DPT: variants seen among roughly 807,000 people sequenced by gnomAD.
DPT encodes the protein dermatopontin, also known as tyrosine-rich acidic matrix protein.
In DPT, 21 loss-of-function variants were observed where a neutral mutation model predicts 31.2. The ratio of observed to expected loss-of-function variants is 0.67; its 90% CI spans 0.48 to 0.97. The LOEUF (loss-of-function observed/expected upper bound fraction) is 0.97. Among genes scored for constraint, DPT ranks in the 50% least tolerant of loss-of-function variants. The pLI is 0.00. For synonymous variants in DPT, 91 were observed against 86.9 expected, an observed-to-expected ratio of 1.05 and a Z score of -0.26; for missense variants, 262 against 258.8, an observed-to-expected ratio of 1.01 and a Z score of -0.08.
At chr1:168,696,819 C>T (rs1312320458) in intron 3 of DPT, among the ~76,000 whole-genome samples, 1 of 152,174 alleles carries the variant, frequency 6.6e-6, no homozygotes, top group African/African-American at 2.4e-5. Context: ...TTGAAGGTGA[C>T]TAATTAGGTC....
intron 1 of DPT, among the ~76,000 whole-genome samples, chr1:168,720,071 G>T (rs994451070): frequency 2.0e-5 from 3 of 152,186 alleles, no homozygotes; most frequent in Non-Finnish European, 4.4e-5. Flanking sequence ...GGGTGCAGGG[G>T]AAAGAGCCCT....
At chr1:168,707,191 G>C (rs1649738919) in intron 2 of DPT, among the ~76,000 whole-genome samples, 1 of 152,124 alleles carries the variant, frequency 6.6e-6, no homozygotes, top group Admixed American at 6.5e-5. Flanking sequence ...TAATTTTTGT[G>C]TGTGAGGATT....
chr1:168,722,273 A>G (rs919665647), intron 1 of DPT, among the ~76,000 whole-genome samples: 1 of 152,212 alleles, frequency 6.6e-6, no homozygotes, highest in African/African-American at 2.4e-5. Flanking sequence ...AATATTCAAG[A>G]CACTTATAAT....
intron 2 of DPT, among the ~76,000 whole-genome samples, chr1:168,708,949 T>C (rs1646209791): frequency 6.6e-6 from 1 of 152,192 alleles, no homozygotes; most frequent in Non-Finnish European, 1.5e-5. Context: ...TCAACTGATG[T>C]TAACTAGAGC....
At chr1:168,713,439 TAG>T (rs1649909434) in intron 2 of DPT, among the ~76,000 whole-genome samples, 1 of 152,198 alleles carries the variant, frequency 6.6e-6, no homozygotes, top group African/African-American at 2.4e-5. Context: ...CATCAAACTG[TAG>T]AGAGATCAAT....
chr1:168,711,268 C>A (rs1324270920), intron 2 of DPT, among the ~76,000 whole-genome samples: 1 of 151,866 alleles, frequency 6.6e-6, no homozygotes, highest in South Asian at 2.1e-4. Flanking sequence ...GATCTGCCCA[C>A]TTCGGCCTCC....
intron 2 of DPT, among the ~76,000 whole-genome samples, chr1:168,707,815 T>C (rs932391925): frequency 1.3e-5 from 2 of 152,208 alleles, no homozygotes; most frequent in African/African-American, 4.8e-5. Context: ...TTGCTTCTCC[T>C]TCTGCCATGG....
At chr1:168,721,286 A>C (rs1037747043) in intron 1 of DPT, among the ~76,000 whole-genome samples, 2 of 152,200 alleles carry the variant, frequency 1.3e-5, no homozygotes, top group African/African-American at 4.8e-5. Flanking sequence ...CCTTCTGCTG[A>C]TATTTATACC....
chr1:168,716,100 GA>G (rs1236540647), intron 1 of DPT, among the ~76,000 whole-genome samples: 1 of 152,184 alleles, frequency 6.6e-6, no homozygotes, highest in Non-Finnish European at 1.5e-5. Flanking sequence ...TGAACTTGCA[GA>G]TCTAACAAAA....
intron 1 of DPT, among the ~76,000 whole-genome samples, chr1:168,726,140 A>G (rs1041747572): frequency 6.6e-6 from 1 of 152,144 alleles, no homozygotes; most frequent in Non-Finnish European, 1.5e-5. Flanking sequence ...GTAGACGGGG[A>G]GAAGGAGGCA....
chr1:168,700,829 C>T (rs1649576410), intron 3 of DPT, among the ~76,000 whole-genome samples, 188 bp downstream of exon 3: 1 of 152,018 alleles, frequency 6.6e-6, no homozygotes, highest in African/African-American at 2.4e-5. Flanking sequence ...ATAAGTAAAA[C>T]CTCAGGTCAA....
At position 168,700,273 on chromosome 1, in the gene DPT, G is replaced by A. The variant is rs142531657; in HGVS notation, c.539+744C>T. Among the ~76,000 whole-genome samples the A allele has an allele frequency of 9.7e-4, 148 of 152,318 alleles. 1 individual carries two copies. Among genetic ancestry groups the A allele is most frequent in the Non-Finnish European group, 1.2e-3 (85 of 68,034 alleles). Reference sequence around the variant, plus strand: ...CCTTTCCACCATGCGTGAGGACACAGTAATAAAGCAACATCTCTGAAGCAG... The same window carrying A: ...CCTTTCCACCATGCGTGAGGACACAATAATAAAGCAACATCTCTGAAGCAG... On this transcript the variant is annotated intron_variant, in intron 3 of 3. Transcript: ENST00000367817.
At chr1:168,706,083 C>T (rs1649711964) in intron 2 of DPT, among the ~76,000 whole-genome samples, 1 of 152,124 alleles carries the variant, frequency 6.6e-6, no homozygotes, top group African/African-American at 2.4e-5. Context: ...TGAAAATGGA[C>T]TAATACATCA....
intron 1 of DPT, among the ~76,000 whole-genome samples, chr1:168,722,463 T>C (rs1333555883): frequency 6.6e-6 from 1 of 152,230 alleles, no homozygotes; most frequent in Non-Finnish European, 1.5e-5. Flanking sequence ...AAAGTAATAA[T>C]AAATAACCTT....
intron 2 of DPT, among the ~76,000 whole-genome samples, chr1:168,704,092 G>T (rs1206841828): frequency 6.6e-6 from 1 of 152,240 alleles, no homozygotes; most frequent in Non-Finnish European, 1.5e-5. Flanking sequence ...AATGATCAGG[G>T]TTTCCTAAGC....
At chr1:168,704,115 C>A (rs1206629309) in intron 2 of DPT, among the ~76,000 whole-genome samples, 1 of 152,192 alleles carries the variant, frequency 6.6e-6, no homozygotes, top group African/African-American at 2.4e-5. Flanking sequence ...TGACACTGGG[C>A]TTTGCGAGTG....
chr1:168,715,258 A>G (rs553182413), intron 1 of DPT, among the ~76,000 whole-genome samples: 3 of 152,334 alleles, frequency 2.0e-5, no homozygotes, highest in African/African-American at 7.2e-5. Context: ...TTAGAATAGT[A>G]CAATCATTTC....
At chr1:168,714,634 A>C (rs1557849477) in intron 1 of DPT, among the ~76,000 whole-genome samples, 2 of 152,338 alleles carry the variant, frequency 1.3e-5, no homozygotes, top group East Asian at 3.9e-4. Context: ...AAATGGGTGG[A>C]TCTAGAATTT....
intron 1 of DPT, among the ~76,000 whole-genome samples, chr1:168,718,796 A>T (rs1387673015): frequency 6.6e-6 from 1 of 152,228 alleles, no homozygotes; most frequent in East Asian, 1.9e-4. Context: ...AATTCCTGGG[A>T]TTAATAAATT....
Sources: allele counts gnomAD v4.1 joint callset (sites outside exome capture counted in the v4.1 genomes callset), GRCh38; gene constraint gnomAD v4.1.1; transcripts MANE v1.5; gene names NCBI Gene and HGNC (gene_info 2026-07-23, HGNC 2026-07-21).